The following AKR1C8 variants were observed in gnomAD, a reference collection of about 807,000 sequenced individuals.
AKR1C8 encodes the protein aldo-keto reductase family 1 member C-like protein 1.
the AKR1C8 span, among the ~76,000 whole-genome samples, chr10:5,170,204 A>G: frequency 6.6e-6 from 1 of 152,160 alleles, no homozygotes; most frequent in Non-Finnish European, 1.5e-5. Flanking sequence ...GGACTTTAGG[A>G]AAGCATAGCT....
the AKR1C8 span, among the ~76,000 whole-genome samples, chr10:5,148,757 C>G: frequency 6.6e-6 from 1 of 152,238 alleles, no homozygotes; most frequent in South Asian, 2.1e-4. Context: ...AGGAAGGCAG[C>G]TTTTGGATGA....
the AKR1C8 span, among the ~76,000 whole-genome samples, chr10:5,134,422 G>C: frequency 6.6e-6 from 1 of 152,212 alleles, no homozygotes; most frequent in East Asian, 1.9e-4. Context: ...TTCCAGTATA[G>C]AAATAGTTCA....
the AKR1C8 span, among the ~76,000 whole-genome samples, chr10:5,131,335 CTAAT>C: frequency 1.3e-5 from 2 of 151,942 alleles, no homozygotes; most frequent in Non-Finnish European, 2.9e-5. Flanking sequence ...TAAATGGGAC[CTAAT>C]TAAACTAAAA....
chr10:5,124,149 C>T, the AKR1C8 span, among the ~76,000 whole-genome samples: 2 of 151,952 alleles, frequency 1.3e-5, no homozygotes, highest in African/African-American at 4.8e-5. Context: ...TCAAATTGTG[C>T]CAGAAAGTAA....
the AKR1C8 span, among the ~76,000 whole-genome samples, chr10:5,178,309 C>G: frequency 1.3e-5 from 2 of 152,058 alleles, no homozygotes; most frequent in Non-Finnish European, 2.9e-5. Flanking sequence ...TTTCTTAATC[C>G]TGAGTTCTAG....
the AKR1C8 span, among the ~76,000 whole-genome samples, chr10:5,130,794 G>A: frequency 6.6e-6 from 1 of 151,588 alleles, no homozygotes; most frequent in African/African-American, 2.4e-5. Flanking sequence ...CAAACAAATG[G>A]AAAAACATCC....
At chr10:5,145,292 A>G in the AKR1C8 span, among the ~76,000 whole-genome samples, 1 of 152,296 alleles carries the variant, frequency 6.6e-6, no homozygotes, top group Admixed American at 6.5e-5. Context: ...ATGGGCAAGG[A>G]CTTCATGTCT....
chr10:5,184,994 C>A, the AKR1C8 span: 1 of 534,302 alleles, frequency 1.9e-6, no homozygotes, highest in Non-Finnish European at 3.8e-6. Context: ...AAACTTCAGC[C>A]TCCTGGGGTC....
chr10:5,162,804 T>C, the AKR1C8 span: 1 of 465,320 alleles, frequency 2.1e-6, no homozygotes, highest in Admixed American at 2.2e-5. Context: ...CAAAATAATA[T>C]ATCTGAACTT....
chr10:5,178,304 TA>T, the AKR1C8 span, among the ~76,000 whole-genome samples: 2 of 152,228 alleles, frequency 1.3e-5, no homozygotes, highest in Non-Finnish European at 2.9e-5. Context: ...GTGAGTTTCT[TA>T]ATCCTGAGTT....
chr10:5,147,663 G>T, the AKR1C8 span, among the ~76,000 whole-genome samples: 1 of 152,126 alleles, frequency 6.6e-6, no homozygotes, highest in Non-Finnish European at 1.5e-5. Context: ...CCTGCATCCT[G>T]GGCACATTGA....
chr10:5,123,624 G>A, the AKR1C8 span: 5 of 1,256,164 alleles, frequency 4.0e-6, no homozygotes, highest in East Asian at 1.2e-4. Flanking sequence ...AACTCACTGA[G>A]AGTAAACTCC....
the AKR1C8 span, among the ~76,000 whole-genome samples, chr10:5,131,905 T>C: frequency 6.6e-6 from 1 of 152,124 alleles, no homozygotes; most frequent in Non-Finnish European, 1.5e-5. Flanking sequence ...AGCAGTGCAA[T>C]TCACAATTGC....
chr10:5,163,477 G>A, the AKR1C8 span, among the ~76,000 whole-genome samples: 1 of 152,180 alleles, frequency 6.6e-6, no homozygotes, highest in African/African-American at 2.4e-5. Flanking sequence ...CTACCTCCCT[G>A]TGACCAGTGT....
the AKR1C8 span, among the ~76,000 whole-genome samples, chr10:5,178,311 G>C: frequency 9.2e-5 from 14 of 152,146 alleles, no homozygotes; most frequent in South Asian, 2.1e-4. Flanking sequence ...TCTTAATCCT[G>C]AGTTCTAGTT....
chr10:5,162,285 A>G, the AKR1C8 span, among the ~76,000 whole-genome samples: 3 of 152,232 alleles, frequency 2.0e-5, no homozygotes, highest in South Asian at 6.2e-4. Context: ...AAATGGCAGG[A>G]CAGGGAGAAC....
the AKR1C8 span, chr10:5,161,872 A>G: frequency 9.4e-6 from 5 of 534,472 alleles, no homozygotes; most frequent in South Asian, 7.0e-5. Context: ...AGCAAATGGT[A>G]CATGAATAAT....
the AKR1C8 span, among the ~76,000 whole-genome samples, chr10:5,122,509 C>A: frequency 6.6e-6 from 1 of 152,196 alleles, no homozygotes; most frequent in South Asian, 2.1e-4. Flanking sequence ...CTTGACCACA[C>A]TTGGTCAGGC....
chr10:5,117,776 G>A, the AKR1C8 span, among the ~76,000 whole-genome samples: 2 of 152,200 alleles, frequency 1.3e-5, no homozygotes, highest in Middle Eastern at 3.4e-3. Flanking sequence ...AGCAAGAGAG[G>A]AAAGTAAGGT....
Sources: gnomAD v4.1 joint callset for allele counts (sites outside exome capture counted in the v4.1 genomes callset) on GRCh38, gnomAD v4.1.1 for gene constraint, MANE v1.5 for transcripts, NCBI Gene and HGNC (gene_info 2026-07-23, HGNC 2026-07-21) for gene names.